Variants in CDH12 observed in about 807,000 individuals in gnomAD.
The protein encoded by CDH12 is cadherin 12.
CDH12 carries 41 observed loss-of-function variants against 74.1 expected under a neutral mutation model. That is an observed-to-expected ratio of 0.55 (90% CI 0.43 to 0.72). CDH12 has a LOEUF of 0.72. Among genes scored for constraint, CDH12 ranks in the 30% least tolerant of loss-of-function variants. CDH12 has a pLI of 0.00. For missense variants in CDH12, 945 were observed against 977.2 expected (o/e 0.97, Z 0.44); for synonymous variants, 399 against 355.0 (o/e 1.12, Z -1.39).
intron 4 of CDH12, among the ~76,000 whole-genome samples, chr5:22,207,815 T>G (rs1204737129): frequency 6.6e-6 from 1 of 152,230 alleles, no homozygotes; most frequent in African/African-American, 2.4e-5. Context: ...CTGGAAGTTT[T>G]GCAAGATCCA....
chr5:21,934,901 C>T lies in CDH12; in HGVS notation c.526+40190G>A, dbSNP rs377566884. ...TCCCTAGTTCATGCCATTCTCCTGCCTCAGCCTCCCGAGTAACTGCGACTA... is the reference window on the plus strand; with the variant it reads ...TCCCTAGTTCATGCCATTCTCCTGCTTCAGCCTCCCGAGTAACTGCGACTA... On this transcript the variant is annotated intron_variant, in intron 6 of 14. Coordinates refer to ENST00000382254, the MANE Select transcript of CDH12 (RefSeq NM_004061.5). 3.9e-5 allele frequency among the ~76,000 whole-genome samples: 6 copies of T among 152,156 alleles called. No homozygotes were observed. The East Asian group carries it at 5.8e-4, about 15-fold the overall frequency.
chr5:22,388,120 G>A (rs1351909628), intron 3 of CDH12, among the ~76,000 whole-genome samples: 2 of 152,114 alleles, frequency 1.3e-5, no homozygotes, highest in Middle Eastern at 3.4e-3. Context: ...CAAAAACATC[G>A]TGAAACTAGG....
In CDH12 at chr5:22,269,560, C is replaced by A. The variant is rs1386862827; in HGVS notation, c.-332-56917G>T. Among the ~76,000 whole-genome samples, 4 of 152,084 alleles carry A rather than the reference C, an allele frequency of 2.6e-5. No homozygotes were observed. In the East Asian group the frequency reaches 7.7e-4, roughly 29 times the overall value. On this transcript the variant is annotated intron_variant, in intron 3 of 14. Transcript: ENST00000382254. Reference sequence around the variant, plus strand: ...AAATTAGCCATATTAGAGCAATTTACACCATGTCCAAACTAATGTAAAACT... The same window carrying A: ...AAATTAGCCATATTAGAGCAATTTAAACCATGTCCAAACTAATGTAAAACT...
At chr5:22,564,056 A>G (rs1378291501) in intron 1 of CDH12, among the ~76,000 whole-genome samples, 1 of 152,184 alleles carries the variant, frequency 6.6e-6, no homozygotes, top group Non-Finnish European at 1.5e-5. Flanking sequence ...ATAGCCTTAA[A>G]AAAACTACAA....
rs1458234745 is a variant in CDH12 at position 21,832,828 on chromosome 5, TATA to T, written c.814+9330_814+9332del. On this transcript the variant is annotated intron_variant, in intron 8 of 14. Coordinates refer to ENST00000382254, the MANE Select transcript of CDH12 (RefSeq NM_004061.5). ...TTATCATATAATATATGATATATAT[TATA>T]ATAATATAAATCATATGATATATGA... is the stretch of plus-strand genomic sequence containing the variant. 3.5e-3 allele frequency among the ~76,000 whole-genome samples: 407 copies of T among 116,038 alleles called. 2 individuals are homozygous for T. Among genetic ancestry groups the T allele is most frequent in the African/African-American group, 4.3e-3 (133 of 31,102 alleles). The allele number at this position is 116,038 out of a possible 152,430, so 76.1% of individuals were successfully genotyped here. A position where few individuals can be genotyped will look rare whatever the true frequency, so the allele number is the denominator to read the frequency against.
intron 5 of CDH12, among the ~76,000 whole-genome samples, chr5:22,042,774 A>C (rs527435947): frequency 1.0e-3 from 159 of 151,758 alleles, no homozygotes; most frequent in African/African-American, 3.7e-3. Context: ...ACTGTAGTCC[A>C]AGCTACTTAG....
At chr5:22,738,752 T>C (rs945631472) in intron 1 of CDH12, among the ~76,000 whole-genome samples, 2 of 152,050 alleles carry the variant, frequency 1.3e-5, no homozygotes, top group African/African-American at 4.8e-5. Context: ...TACACAATCA[T>C]AGGGACTTAT....
chr5:22,413,145 A>G (rs1012041041), intron 2 of CDH12, among the ~76,000 whole-genome samples: 5 of 151,974 alleles, frequency 3.3e-5, no homozygotes, highest in Admixed American at 2.0e-4. Context: ...CCACACTGAG[A>G]AAAGTTTGAG....
chr5:21,928,144 A>G (rs1284954575), intron 6 of CDH12, among the ~76,000 whole-genome samples: 3 of 152,192 alleles, frequency 2.0e-5, no homozygotes, highest in Non-Finnish European at 4.4e-5. Context: ...ACATTTGACT[A>G]TGACTATGAT....
chr5:21,895,226 C>G (rs185010364), intron 6 of CDH12, among the ~76,000 whole-genome samples: 110 of 152,236 alleles, frequency 7.2e-4, no homozygotes, highest in African/African-American at 2.6e-3. Flanking sequence ...GAATGTATCT[C>G]CCCCTCACAC....
At chr5:22,276,755 C>G (rs1373512469) in intron 3 of CDH12, among the ~76,000 whole-genome samples, 1 of 152,194 alleles carries the variant, frequency 6.6e-6, no homozygotes, top group African/African-American at 2.4e-5. Flanking sequence ...GGCGCGATCT[C>G]AGCTCACTGC....
At chr5:22,338,298 T>C (rs542097311) in intron 3 of CDH12, among the ~76,000 whole-genome samples, 2 of 152,278 alleles carry the variant, frequency 1.3e-5, no homozygotes, top group East Asian at 1.9e-4. Context: ...GAGGTGATTA[T>C]ATTAGGTGAA....
At chr5:22,721,956 C>T (rs912712526) in intron 1 of CDH12, among the ~76,000 whole-genome samples, 1 of 152,098 alleles carries the variant, frequency 6.6e-6, no homozygotes, top group Admixed American at 6.6e-5. Context: ...GTCAATTAAA[C>T]CTCTTTATAA....
Position 22,196,185 on chromosome 5 carries a change from G to A in CDH12, c.-187+16313C>T, listed in dbSNP as rs1202053772. Among the ~76,000 whole-genome samples the A allele has an allele frequency of 6.9e-5, 10 of 144,420 alleles. 1 individual carries two copies. Among genetic ancestry groups the A allele is most frequent in the Admixed American group, 2.1e-4 (3 of 14,048 alleles). 94.7% of individuals were successfully genotyped at this position (144,420 alleles called of 152,430 possible). A position where few individuals can be genotyped will look rare whatever the true frequency, so the allele number is the denominator to read the frequency against. On this transcript the variant is annotated intron_variant, in intron 4 of 14. Coordinates refer to ENST00000382254, the MANE Select transcript of CDH12 (RefSeq NM_004061.5). ...TTTTTTGACAGAGTCTTGCTCTGTC[G>A]CCAGGCTTGAGTGCAGTGGCATGAT...
At chr5:22,723,407 G>A (rs1744001363) in intron 1 of CDH12, among the ~76,000 whole-genome samples, 1 of 152,118 alleles carries the variant, frequency 6.6e-6, no homozygotes, top group Admixed American at 6.6e-5. Context: ...TGTAACAGAA[G>A]ACAGAGGATG....
intron 1 of CDH12, among the ~76,000 whole-genome samples, chr5:22,646,463 G>A (rs986946814): frequency 6.6e-6 from 1 of 151,886 alleles, no homozygotes; most frequent in African/African-American, 2.4e-5. Context: ...CTCTGACAAT[G>A]TAACTAAGGG....
At chr5:21,848,261 G>C (rs1404866586) in intron 7 of CDH12, among the ~76,000 whole-genome samples, 2 of 152,016 alleles carry the variant, frequency 1.3e-5, no homozygotes, top group Admixed American at 1.3e-4. Context: ...AGACTCCAGT[G>C]TGAACCAAGT....
chr5:22,551,162 T>C (rs974012055), intron 1 of CDH12, among the ~76,000 whole-genome samples: 2 of 152,102 alleles, frequency 1.3e-5, no homozygotes, highest in Non-Finnish European at 2.9e-5. Flanking sequence ...GGTGTCCTTA[T>C]AAGAAAAGGG....
chr5:22,180,427 G>C (rs1749570259), intron 4 of CDH12, among the ~76,000 whole-genome samples: 1 of 150,744 alleles, frequency 6.6e-6, no homozygotes, highest in African/African-American at 2.4e-5. Context: ...ATCTATTTTT[G>C]TCTGTAAGAC....
Sources: gnomAD v4.1 joint callset for allele counts (sites outside exome capture counted in the v4.1 genomes callset) on GRCh38, gnomAD v4.1.1 for gene constraint, MANE v1.5 for transcripts, NCBI Gene and HGNC (gene_info 2026-07-23, HGNC 2026-07-21) for gene names.